Variants in ACACA observed in about 807,000 individuals in gnomAD.
The protein encoded by ACACA is acetyl-CoA carboxylase alpha.
ACACA carries 103 observed loss-of-function variants against 296.1 expected under a neutral mutation model. The observed-to-expected ratio is 0.35, with a 90% CI of 0.30 to 0.41. The LOEUF is 0.41. Among genes scored for constraint, ACACA ranks in the 10% least tolerant of loss-of-function variants. ACACA has a pLI of 1.00. For missense variants in ACACA, 1,554 were observed against 2,989.7 expected, an observed-to-expected ratio of 0.52 and a Z score of 11.20; for synonymous variants, 953 against 1,038.6, an observed-to-expected ratio of 0.92 and a Z score of 1.58.
chr17:37,406,314 G>A lies in ACACA; in HGVS notation c.-15C>T, dbSNP rs779908272. The A allele has an allele frequency of 6.2e-7, 1 of 1,613,998 alleles. No homozygotes were observed. Among genetic ancestry groups the A allele is most frequent in the Non-Finnish European group, 8.5e-7 (1 of 1,180,004 alleles). ...GACCACCACATCCTCTCATCATTGCGCCTCAATTTGGGCCTCTGAAGCCCA... is the reference window on the plus strand; with the variant it reads ...GACCACCACATCCTCTCATCATTGCACCTCAATTTGGGCCTCTGAAGCCCA... On this transcript the variant is annotated 5_prime_UTR_variant, in exon 1 of 56. Coordinates refer to ENST00000616317, the MANE Select transcript of ACACA (RefSeq NM_198834.3).
At chr17:37,236,478 GT>G (rs1041107294) in intron 24 of ACACA, among the ~76,000 whole-genome samples, 284 of 141,092 alleles carry the variant, frequency 2.0e-3, no homozygotes, top group Non-Finnish European at 1.8e-3. Context: ...ATACTTTCTT[GT>G]TTTTTTTTTT....
At chr17:37,285,229 T>C (rs1208322278) in intron 3 of ACACA, among the ~76,000 whole-genome samples, 1 of 152,208 alleles carries the variant, frequency 6.6e-6, no homozygotes, top group Admixed American at 6.5e-5. Context: ...AGGCAAAGGA[T>C]AAATGGTAGA....
intron 25 of ACACA, among the ~76,000 whole-genome samples, chr17:37,230,421 A>C (rs1021271564): frequency 1.3e-5 from 2 of 150,752 alleles, no homozygotes; most frequent in Non-Finnish European, 1.5e-5. Flanking sequence ...TAAATAAATA[A>C]ATAAATAAAT....
At chr17:37,094,896 C>T (rs904413535) in intron 54 of ACACA, among the ~76,000 whole-genome samples, 1 of 152,264 alleles carries the variant, frequency 6.6e-6, no homozygotes, top group African/African-American at 2.4e-5. Flanking sequence ...AGTGCCTAGG[C>T]AGCCTCCTAC....
At chr17:37,128,023 T>TAAAAAAAAAAAAAAAAAAAAAAAAAA (rs2074890198) in intron 47 of ACACA, among the ~76,000 whole-genome samples, 1 of 22,558 alleles carries the variant, frequency 4.4e-5, no homozygotes, top group Non-Finnish European at 7.6e-5. Flanking sequence ...AAACTCCATC[T>TAAAAAAAAAAAAAAAAAAAAAAAAAA]CAAAAAAAAA....
chr17:37,339,842 CAAAA>C lies in ACACA; in HGVS notation c.43_46del (p.Phe15GlyfsTer9). ...TACTGTCTGAGTAGATATCCACTTC[CAAAA>C]AGACCTAGAGAGAAAGAGAAAGATT... On this transcript the variant is annotated frameshift_variant, in exon 2 of 56. Transcript: ENST00000616317. LOFTEE classifies it high-confidence loss of function. 3 of 1,309,166 alleles carry C rather than the reference CAAAA, an allele frequency of 2.3e-6. No homozygotes were observed. Among genetic ancestry groups the C allele is most frequent in the Non-Finnish European group, 3.2e-6 (3 of 930,656 alleles). The allele number at this position is 1,309,166 out of a possible 1,614,324, so 81.1% of individuals were successfully genotyped here. A position where few individuals can be genotyped will look rare whatever the true frequency, so the allele number is the denominator to read the frequency against.
chr17:37,188,566 G>C, intron 38 of ACACA, 86 bp from the exon 39 acceptor site: 1 of 1,449,350 alleles, frequency 6.9e-7, no homozygotes, highest in East Asian at 2.3e-5. Context: ...GAGAAAGAAG[G>C]GGTAAAAAAA....
intron 11 of ACACA, among the ~76,000 whole-genome samples, chr17:37,259,947 T>G (rs1233442778): frequency 6.7e-6 from 1 of 149,970 alleles, no homozygotes; most frequent in Non-Finnish European, 1.5e-5. Flanking sequence ...TGGCACAATC[T>G]CGTGGCTCAC....
At chr17:37,222,471 AATAAAT>A (rs1195432778) in intron 28 of ACACA, among the ~76,000 whole-genome samples, 2 of 152,166 alleles carry the variant, frequency 1.3e-5, no homozygotes, top group Admixed American at 6.5e-5. Flanking sequence ...ATAAAATAAA[AATAAAT>A]ATAAATTAAA....
chr17:37,182,374 T>C (rs1194024259), intron 39 of ACACA, among the ~76,000 whole-genome samples: 6 of 151,822 alleles, frequency 4.0e-5, no homozygotes, highest in Admixed American at 3.3e-4. Context: ...TATACATGTA[T>C]TTACTTCTCC....
chr17:37,241,529 A>G (rs954994758), intron 23 of ACACA, among the ~76,000 whole-genome samples: 2 of 151,996 alleles, frequency 1.3e-5, no homozygotes, highest in Admixed American at 1.3e-4. Flanking sequence ...ACATGGCAAA[A>G]CCCCAGCTCT....
At chr17:37,137,868 C>T (rs1263786185) in intron 45 of ACACA, among the ~76,000 whole-genome samples, 2 of 152,098 alleles carry the variant, frequency 1.3e-5, no homozygotes, top group African/African-American at 4.8e-5. Context: ...CATATTTTAC[C>T]AATGGGTCAG....
At chr17:37,363,245 C>A (rs1292535235) in intron 1 of ACACA, among the ~76,000 whole-genome samples, 2 of 136,246 alleles carry the variant, frequency 1.5e-5, no homozygotes, top group Non-Finnish European at 3.1e-5. Context: ...TGCAGTGGCA[C>A]GATCTCGGCT....
chr17:37,193,141 T>G (rs2077832203), intron 36 of ACACA, among the ~76,000 whole-genome samples: 1 of 152,130 alleles, frequency 6.6e-6, no homozygotes, highest in Non-Finnish European at 1.5e-5. Context: ...CAAGGATGAT[T>G]TGGAAAGGTA....
At chr17:37,194,008 C>T (rs3744589) in intron 35 of ACACA, among the ~76,000 whole-genome samples, 5,432 of 152,150 alleles carry the variant, frequency 0.036, 145 homozygotes, top group East Asian at 0.11. Context: ...AACTTGTAAT[C>T]ATTAGGTCTT....
chr17:37,130,341 T>A, intron 45 of ACACA, 123 bp from the exon 46 acceptor site: 2 of 1,260,026 alleles, frequency 1.6e-6, no homozygotes, highest in Non-Finnish European at 1.1e-6. Context: ...CTCCATGGGT[T>A]GGTTGTTCTG....
intron 15 of ACACA, 46 bp from the exon 16 acceptor site, chr17:37,252,154 C>T (rs1484358709): frequency 1.4e-6 from 2 of 1,460,104 alleles, no homozygotes; most frequent in Non-Finnish European, 1.9e-6. Context: ...GGTCACTTGG[C>T]ACCACAGCCT....
At chr17:37,276,868 A>AAG (rs1406049153) in intron 7 of ACACA, among the ~76,000 whole-genome samples, 165 bp downstream of exon 7, 1 of 152,206 alleles carries the variant, frequency 6.6e-6, no homozygotes, top group Non-Finnish European at 1.5e-5. Flanking sequence ...GAAAAAAAAG[A>AAG]AAGAAATGAA....
At chr17:37,277,594 T>A (rs571066958) in intron 6 of ACACA, among the ~76,000 whole-genome samples, 2 of 152,198 alleles carry the variant, frequency 1.3e-5, no homozygotes, top group Non-Finnish European at 2.9e-5. Flanking sequence ...TATACCACCA[T>A]CCTTTAGGCT....
Sources: allele counts gnomAD v4.1 joint callset (sites outside exome capture counted in the v4.1 genomes callset), GRCh38; gene constraint gnomAD v4.1.1; transcripts MANE v1.5; gene names NCBI Gene and HGNC (gene_info 2026-07-23, HGNC 2026-07-21).